The following SLC17A8 variants were observed in gnomAD, a reference collection of about 807,000 sequenced individuals.
The protein encoded by SLC17A8 is solute carrier family 17 member 8.
Under a neutral mutation model 58.0 loss-of-function variants are expected in SLC17A8, and 31 were observed. The observed-to-expected ratio is 0.53, with a 90% confidence interval of 0.40 to 0.72. SLC17A8 has a LOEUF of 0.72. Ranked by LOEUF, SLC17A8 falls within the 30% of genes least tolerant of loss-of-function variation. The probability of loss-of-function intolerance (pLI) is 0.00; values close to 1 mark genes in which losing one functional copy is unlikely to be tolerated. For synonymous variants in SLC17A8, 228 were observed against 249.0 expected, an observed-to-expected ratio of 0.92 and a Z score of 0.79; for missense variants, 655 against 727.8, an observed-to-expected ratio of 0.90 and a Z score of 1.15.
At chr12:100,370,948 G>C (rs1248427399) in intron 1 of SLC17A8, among the ~76,000 whole-genome samples, 1 of 114,104 alleles carries the variant, frequency 8.8e-6, no homozygotes, top group East Asian at 4.6e-4. Context: ...TAATCTACTG[G>C]AAGAGGCAAA....
Position 100,419,979 on chromosome 12 carries a change from G to A in SLC17A8, c.1590G>A (p.Glu530=). 1 of 1,614,084 alleles carries A rather than the reference G, an allele frequency of 6.2e-7. No individual in the cohort carries two copies. Among genetic ancestry groups the A allele is most frequent in the Non-Finnish European group, 8.5e-7 (1 of 1,180,016 alleles). Residue 530 remains glutamate, a synonymous_variant, in exon 12 of 12, where the codon GAG becomes GAA. Transcript: ENST00000323346. The part of the protein sequence containing the change: ...CGIIDQDELA[E]EIELNHESFA... ...TCATTGACCAGGACGAATTAGCTGA[G>A]GAGATAGAACTCAACCATGAGAGTT...
intron 9 of SLC17A8, among the ~76,000 whole-genome samples, chr12:100,404,913 G>T (rs1464904990): frequency 1.3e-5 from 2 of 152,230 alleles, no homozygotes; most frequent in Admixed American, 1.3e-4. Flanking sequence ...AAAGCTCTTA[G>T]TTTGCGGCTA....
intron 1 of SLC17A8, among the ~76,000 whole-genome samples, chr12:100,378,123 A>G (rs12426650): frequency 0.014 from 2,200 of 152,280 alleles, 125 homozygotes; most frequent in East Asian, 0.14. Flanking sequence ...TCCAGAGGGC[A>G]TAGACAGAAA....
chr12:100,417,338 CCTGAGTCT>C (rs1293182282), intron 10 of SLC17A8, among the ~76,000 whole-genome samples: 5 of 152,176 alleles, frequency 3.3e-5, no homozygotes, highest in African/African-American at 1.2e-4. Flanking sequence ...ACCTATTTCC[CCTGAGTCT>C]CTATCACAGC....
In SLC17A8 at chr12:100,412,592, TA is replaced by T. The variant is rs57500563; in HGVS notation, c.1187-159del. Among the ~76,000 whole-genome samples, 2,736 of 72,054 alleles carry T rather than the reference TA, an allele frequency of 0.038. 33 individuals carry two copies. The highest frequency in any genetic ancestry group is 0.071 in the African/African-American group (1,465 of 20,742). 47.3% of individuals were successfully genotyped at this position (72,054 alleles called of 152,430 possible). ...TAAATCCCAGAACTTCAAGTAAAGTTAAAAAAAAAAAAAAAAAAACTTAAAT... is the reference window on the plus strand; with the variant it reads ...TAAATCCCAGAACTTCAAGTAAAGTTAAAAAAAAAAAAAAAAAACTTAAAT... On this transcript the variant is annotated intron_variant, in intron 9 of 11. Coordinates refer to ENST00000323346, the MANE Select transcript of SLC17A8 (RefSeq NM_139319.3).
intron 9 of SLC17A8, among the ~76,000 whole-genome samples, chr12:100,405,577 A>T (rs186375517): frequency 3.9e-5 from 6 of 152,200 alleles, no homozygotes; most frequent in African/African-American, 9.6e-5. Flanking sequence ...ATGCAAGCAG[A>T]CCCTAGAAGC....
rs1176370804 is a variant in SLC17A8 at position 100,412,890 on chromosome 12, C to T, written c.1297+10C>T. Reference sequence around the variant, plus strand: ...GGCTTCGCTATTTCAGGTAATGTGTCCTTTGGGTTTCCAGATCTTGACTAT... The same window carrying T: ...GGCTTCGCTATTTCAGGTAATGTGTTCTTTGGGTTTCCAGATCTTGACTAT... On this transcript the variant is annotated intron_variant, in intron 10 of 11. Coordinates refer to ENST00000323346, the MANE Select transcript of SLC17A8 (RefSeq NM_139319.3). The T allele has an allele frequency of 6.3e-7, 1 of 1,596,000 alleles. No homozygotes were observed. Among genetic ancestry groups the T allele is most frequent in the Non-Finnish European group, 8.6e-7 (1 of 1,163,580 alleles).
intron 1 of SLC17A8, among the ~76,000 whole-genome samples, chr12:100,367,233 G>C (rs1180732042): frequency 6.6e-6 from 1 of 152,082 alleles, no homozygotes; most frequent in Non-Finnish European, 1.5e-5. Flanking sequence ...GTTAAAGAGA[G>C]ACCTTTTAAT....
intron 1 of SLC17A8, among the ~76,000 whole-genome samples, chr12:100,370,284 ATTTATTT>A (rs145054827): frequency 0.056 from 8,437 of 151,386 alleles, 710 homozygotes; most frequent in African/African-American, 0.19. Context: ...ATTAATCTAA[ATTTATTT>A]TTTATTTTTT....
chr12:100,417,486 T>C (rs1198219990), intron 10 of SLC17A8, among the ~76,000 whole-genome samples: 1 of 152,190 alleles, frequency 6.6e-6, no homozygotes, highest in Non-Finnish European at 1.5e-5. Context: ...CAAGTAGGTG[T>C]GTGAAAGTGT....
intron 1 of SLC17A8, among the ~76,000 whole-genome samples, chr12:100,367,841 C>T (rs1017576994): frequency 2.0e-5 from 3 of 152,244 alleles, no homozygotes; most frequent in African/African-American, 7.2e-5. Flanking sequence ...GCGTGAACCC[C>T]TGTGCCCAGC....
chr12:100,363,648 A>G (rs899770726), intron 1 of SLC17A8, among the ~76,000 whole-genome samples: 2 of 151,818 alleles, frequency 1.3e-5, no homozygotes, highest in African/African-American at 2.4e-5. Context: ...TTACAGGTGC[A>G]TAACTGTTGA....
At position 100,420,075 on chromosome 12, in the gene SLC17A8, GA is replaced by G. The variant is rs757543449; in HGVS notation, c.1689del (p.Gly564AspfsTer12). 4.1e-5 allele frequency: 66 copies of G among 1,614,170 alleles called. 2 individuals are homozygous for G. In the Admixed American group the frequency reaches 7.2e-4, roughly 18 times the overall value. On this transcript the variant is annotated frameshift_variant, in exon 12 of 12. Transcript: ENST00000323346. LOFTEE classifies it low-confidence loss of function (END_TRUNC). ...ATTGTGAAGTCCAGAAGAAGGAATG[GA>G]AAGGACAGAGAGGAGCGACCCTTGA... ...QNCEVQKKEW[K>X]GQRGATLDEE...
At chr12:100,366,178 A>G (rs1350389331) in intron 1 of SLC17A8, among the ~76,000 whole-genome samples, 1 of 151,198 alleles carries the variant, frequency 6.6e-6, no homozygotes, top group African/African-American at 2.4e-5. Context: ...TCTGCATAAT[A>G]TAATACTGTT....
chr12:100,400,901 T>C (rs566938414), intron 5 of SLC17A8, among the ~76,000 whole-genome samples: 2 of 151,978 alleles, frequency 1.3e-5, no homozygotes, highest in Admixed American at 6.6e-5. Context: ...GGTTAAGTTT[T>C]ACAAAGTAAG....
intron 1 of SLC17A8, among the ~76,000 whole-genome samples, chr12:100,359,332 GT>G (rs1952468609): frequency 6.6e-6 from 1 of 152,052 alleles, no homozygotes; most frequent in Admixed American, 6.5e-5. Flanking sequence ...CGAAGAGCCG[GT>G]TTTGCTATGT....
intron 10 of SLC17A8, among the ~76,000 whole-genome samples, chr12:100,415,657 T>G (rs1322617978): frequency 6.6e-6 from 1 of 152,168 alleles, no homozygotes; most frequent in African/African-American, 2.4e-5. Context: ...CTCGAACTCC[T>G]GGCCTCAAGT....
Position 100,404,147 on chromosome 12 carries a change from T to C in SLC17A8, c.1163T>C (p.Val388Ala). Residue 388 changes from valine to alanine, a missense_variant, in exon 9 of 12, where the codon GTC becomes GCC. Coordinates refer to ENST00000323346, the MANE Select transcript of SLC17A8 (RefSeq NM_139319.3). ...RSRQILTTTA[V>A]RKIMNCGGFG... ...AGACAAATTTTAACCACAACTGCTG[T>C]CAGAAAAATCATGAACTGTGGAGGT... 1 of 1,614,204 alleles carries C rather than the reference T, an allele frequency of 6.2e-7. No homozygotes were observed. The highest frequency in any genetic ancestry group is 8.5e-7 in the Non-Finnish European group (1 of 1,180,020).
chr12:100,406,594 G>A (rs1011364659), intron 9 of SLC17A8, among the ~76,000 whole-genome samples: 4 of 151,338 alleles, frequency 2.6e-5, no homozygotes, highest in Admixed American at 2.6e-4. Context: ...GGAGTGCAGT[G>A]GTGCAATCTC....
Sources: gnomAD v4.1 joint callset for allele counts (sites outside exome capture counted in the v4.1 genomes callset) on GRCh38, gnomAD v4.1.1 for gene constraint, MANE v1.5 for transcripts, NCBI Gene and HGNC (gene_info 2026-07-23, HGNC 2026-07-21) for gene names.